Variants in GABRB2 observed in about 807,000 individuals in gnomAD.
GABRB2 encodes gamma-aminobutyric acid receptor subunit beta-2.
Under a neutral mutation model 54.7 loss-of-function variants are expected in GABRB2, and 16 were observed. That is an observed-to-expected ratio of 0.29 (90% CI 0.20 to 0.44). The LOEUF (loss-of-function observed/expected upper bound fraction) is 0.44. Among genes scored for constraint, GABRB2 ranks in the 20% least tolerant of loss-of-function variants. The pLI, the probability that GABRB2 is intolerant of heterozygous loss-of-function variation, is 1.00. For missense variants in GABRB2, 355 were observed against 644.0 expected (o/e 0.55, Z 4.86); for synonymous variants, 244 against 233.8 (o/e 1.04, Z -0.40).
chr5:161,432,947 A>T (rs1011649631), intron 4 of GABRB2, among the ~76,000 whole-genome samples: 1 of 148,420 alleles, frequency 6.7e-6, no homozygotes, highest in African/African-American at 2.5e-5. Context: ...CTTTATGGGG[A>T]TGAGGAGATC....
intron 4 of GABRB2, among the ~76,000 whole-genome samples, chr5:161,444,580 G>A (rs773490302): frequency 2.6e-5 from 4 of 151,982 alleles, no homozygotes; most frequent in Non-Finnish European, 4.4e-5. Context: ...ATTTTAACAC[G>A]GTCAACTCAT....
chr5:161,445,926 T>G (rs1052728683), intron 4 of GABRB2, among the ~76,000 whole-genome samples: 12 of 152,176 alleles, frequency 7.9e-5, no homozygotes, highest in Non-Finnish European at 1.8e-4. Context: ...ATAACTCATA[T>G]GTGGTGCAGA....
At chr5:161,510,071 C>A (rs561966281) in intron 3 of GABRB2, among the ~76,000 whole-genome samples, 1 of 151,884 alleles carries the variant, frequency 6.6e-6, no homozygotes, top group African/African-American at 2.4e-5. Context: ...GTAAAATAAT[C>A]AAATCATGGA....
intron 6 of GABRB2, 147 bp from the exon 7 acceptor site, chr5:161,335,051 C>A (rs965068862): frequency 4.1e-6 from 3 of 735,216 alleles, no homozygotes; most frequent in Non-Finnish European, 4.4e-6. Flanking sequence ...AGTCTGAGAG[C>A]CCTGAGTTTC....
At chr5:161,510,840 A>G (rs1759745090) in intron 3 of GABRB2, among the ~76,000 whole-genome samples, 1 of 151,918 alleles carries the variant, frequency 6.6e-6, no homozygotes, top group Non-Finnish European at 1.5e-5. Flanking sequence ...GGAAGAAAAA[A>G]TTCATTTCCC....
rs574484852 is a variant in GABRB2 at position 161,461,086 on chromosome 5, A to G, written c.238-1242T>C. Reference sequence around the variant, plus strand: ...GCAGTCAAGAAAATTAGCCCCATGAAATTTTAGAAGGGTATGCATATTTAA... The same window carrying G: ...GCAGTCAAGAAAATTAGCCCCATGAGATTTTAGAAGGGTATGCATATTTAA... On this transcript the variant is annotated intron_variant, in intron 3 of 9. Coordinates refer to ENST00000393959, the MANE Select transcript of GABRB2 (RefSeq NM_001371727.1). 2.0e-5 allele frequency among the ~76,000 whole-genome samples: 3 copies of G among 152,286 alleles called. No homozygotes were observed. The South Asian group carries it at 6.2e-4, about 32-fold the overall frequency.
At chr5:161,532,882 G>A (rs1018718849) in intron 3 of GABRB2, among the ~76,000 whole-genome samples, 1 of 152,068 alleles carries the variant, frequency 6.6e-6, no homozygotes, top group South Asian at 2.1e-4. Context: ...AATGGCATGT[G>A]AGAAGTACTG....
At chr5:161,430,787 AG>A (rs1203430199) in intron 4 of GABRB2, among the ~76,000 whole-genome samples, 1 of 152,192 alleles carries the variant, frequency 6.6e-6, no homozygotes, top group Admixed American at 6.5e-5. Context: ...ACATGATAAA[AG>A]CCAATTAAAT....
At chr5:161,453,942 G>A (rs990095638) in intron 4 of GABRB2, among the ~76,000 whole-genome samples, 1 of 151,612 alleles carries the variant, frequency 6.6e-6, no homozygotes, top group Non-Finnish European at 1.5e-5. Flanking sequence ...GGAGGCTGGG[G>A]CAGGAGAATT....
chr5:161,444,608 A>T (rs1461568042), intron 4 of GABRB2, among the ~76,000 whole-genome samples: 1 of 152,166 alleles, frequency 6.6e-6, no homozygotes, highest in African/African-American at 2.4e-5. Flanking sequence ...CTTAATTTAT[A>T]ATTTGGGAAA....
intron 3 of GABRB2, among the ~76,000 whole-genome samples, chr5:161,522,403 A>G (rs1421996619): frequency 6.6e-6 from 1 of 151,760 alleles, no homozygotes. Context: ...CTAAAGCACT[A>G]CAGAGTTAGC....
chr5:161,341,968 T>TATATACAC (rs1205547471), intron 5 of GABRB2, among the ~76,000 whole-genome samples: 5 of 31,106 alleles, frequency 1.6e-4, no homozygotes, highest in Admixed American at 4.3e-4. Context: ...TATATATATA[T>TATATACAC]ACATACTTTA....
At chr5:161,518,159 T>C (rs1760008647) in intron 3 of GABRB2, among the ~76,000 whole-genome samples, 1 of 152,166 alleles carries the variant, frequency 6.6e-6, no homozygotes, top group Non-Finnish European at 1.5e-5. Context: ...AAGAAAAGAA[T>C]TTTAGCCAAT....
chr5:161,472,347 A>C (rs1347960651), intron 3 of GABRB2, among the ~76,000 whole-genome samples: 1 of 151,648 alleles, frequency 6.6e-6, no homozygotes, highest in Non-Finnish European at 1.5e-5. Flanking sequence ...TCTTACTGCC[A>C]GTTTTGATTC....
chr5:161,542,028 T>C, intron 3 of GABRB2, among the ~76,000 whole-genome samples: 1 of 152,158 alleles, frequency 6.6e-6, no homozygotes. Flanking sequence ...TTCCATATTG[T>C]TGTGTCTCAG....
intron 9 of GABRB2, among the ~76,000 whole-genome samples, chr5:161,322,771 A>G (rs535730100): frequency 6.6e-6 from 1 of 152,110 alleles, no homozygotes; most frequent in East Asian, 1.9e-4. Flanking sequence ...TACTGCCTTG[A>G]TTTTTTGGCC....
chr5:161,323,671 G>A (rs1446321537), intron 9 of GABRB2, among the ~76,000 whole-genome samples: 1 of 152,022 alleles, frequency 6.6e-6, no homozygotes, highest in Non-Finnish European at 1.5e-5. Flanking sequence ...CTAGACATGG[G>A]ATTTTGGAGT....
chr5:161,400,898 C>T (rs1223627759), intron 5 of GABRB2, among the ~76,000 whole-genome samples: 1 of 152,214 alleles, frequency 6.6e-6, no homozygotes, highest in South Asian at 2.1e-4. Context: ...TCAACTTACC[C>T]AGGTTTTACA....
chr5:161,545,622 T>C (rs887837041), intron 2 of GABRB2, among the ~76,000 whole-genome samples: 4 of 152,004 alleles, frequency 2.6e-5, no homozygotes, highest in Non-Finnish European at 5.9e-5. Context: ...TTTTTATATT[T>C]TGCGCTGAAA....
Sources: allele counts gnomAD v4.1 joint callset (sites outside exome capture counted in the v4.1 genomes callset), GRCh38; gene constraint gnomAD v4.1.1; transcripts MANE v1.5; gene names NCBI Gene and HGNC (gene_info 2026-07-23, HGNC 2026-07-21).